The following TTC17 variants were observed in gnomAD, a reference collection of about 807,000 sequenced individuals.
TTC17 encodes the protein tetratricopeptide repeat domain 17.
Under a neutral mutation model 143.8 loss-of-function variants are expected in TTC17, and 58 were observed. The ratio of observed to expected loss-of-function variants is 0.40; its 90% CI spans 0.33 to 0.50. The LOEUF is 0.50. TTC17 is among the 20% of genes least tolerant of loss of function. The probability of loss-of-function intolerance (pLI) is 0.49; values close to 1 mark genes in which losing one functional copy is unlikely to be tolerated. For synonymous variants in TTC17, 501 were observed against 497.8 expected (o/e 1.01, Z -0.09); for missense variants, 1,273 against 1,392.5 (o/e 0.91, Z 1.37).
intron 15 of TTC17, among the ~76,000 whole-genome samples, chr11:43,412,312 A>G (rs1382143868): frequency 6.6e-6 from 1 of 151,594 alleles, no homozygotes. Flanking sequence ...AATGAGATCC[A>G]CTCTCTACAA....
chr11:43,491,818 A>G (rs934621695), intron 22 of TTC17: 7 of 624,288 alleles, frequency 1.1e-5, no homozygotes, highest in South Asian at 9.6e-5. Context: ...GACTTCGCCA[A>G]TGAAAGAAGT....
At chr11:43,400,172 C>T (rs10501297) in intron 9 of TTC17, 124 bp downstream of exon 9, 122,219 of 1,081,672 alleles carry the variant, frequency 0.11, 7,857 homozygotes, top group Middle Eastern at 0.17. Flanking sequence ...CCCTACATCT[C>T]GAAAGCATGA....
At chr11:43,396,648 T>G in intron 5 of TTC17, 61 bp from the exon 6 acceptor site, 43 of 943,052 alleles carry the variant, frequency 4.6e-5, no homozygotes, top group Non-Finnish European at 6.0e-5. Flanking sequence ...GTGCTCCTTT[T>G]GAGTATTCTA....
chr11:43,410,571 A>C (rs1410955833), intron 15 of TTC17, among the ~76,000 whole-genome samples: 1 of 152,134 alleles, frequency 6.6e-6, no homozygotes, highest in Admixed American at 6.6e-5. Flanking sequence ...ATTTACACGG[A>C]TATCCAGTTC....
intron 1 of TTC17, chr11:43,370,103 C>A: frequency 2.2e-6 from 1 of 455,096 alleles, no homozygotes; most frequent in Non-Finnish European, 4.4e-6. Flanking sequence ...CCATGCGTAT[C>A]TCTCTCAAGA....
chr11:43,403,845 A>G (rs1310601030), intron 10 of TTC17, among the ~76,000 whole-genome samples, 153 bp from the exon 11 acceptor site: 4 of 136,708 alleles, frequency 2.9e-5, no homozygotes, highest in African/African-American at 7.6e-5. Context: ...GTTGGGGCAT[A>G]GTTCTTAAAA....
chr11:43,367,819 C>T (rs375032112), intron 1 of TTC17, among the ~76,000 whole-genome samples: 17 of 152,014 alleles, frequency 1.1e-4, no homozygotes, highest in African/African-American at 3.4e-4. Flanking sequence ...CTTTTTTAAG[C>T]CCCCTCCAAT....
At chr11:43,394,562 A>C (rs1221235014) in intron 5 of TTC17, among the ~76,000 whole-genome samples, 1 of 152,180 alleles carries the variant, frequency 6.6e-6, no homozygotes, top group East Asian at 1.9e-4. Flanking sequence ...GATTGAAGGC[A>C]AAAGAGGAAT....
chr11:43,443,600 T>C lies in TTC17; in HGVS notation c.2511+16T>C. 6.3e-7 allele frequency: 1 copy of C among 1,595,422 alleles called. No individual in the cohort carries two copies. On this transcript the variant is annotated intron_variant, in intron 17 of 23. Transcript: ENST00000039989. ...AACAGAATGGGTAAGTTTGCCAACT[T>C]AATTCTCACAAAATTGTAGCCCATG...
chr11:43,460,162 T>C (rs904300562), intron 21 of TTC17, among the ~76,000 whole-genome samples: 2 of 152,146 alleles, frequency 1.3e-5, no homozygotes, highest in African/African-American at 4.8e-5. Context: ...CGAGAAAGTT[T>C]TATTTTGTAA....
At chr11:43,465,645 T>A (rs1175472756) in intron 21 of TTC17, among the ~76,000 whole-genome samples, 1 of 152,172 alleles carries the variant, frequency 6.6e-6, no homozygotes, top group Non-Finnish European at 1.5e-5. Flanking sequence ...ATGTATATAA[T>A]CAAATAATTT....
chr11:43,359,925 G>A (rs953441302), intron 1 of TTC17, among the ~76,000 whole-genome samples: 1 of 152,200 alleles, frequency 6.6e-6, no homozygotes, highest in African/African-American at 2.4e-5. Flanking sequence ...TTTTGTAAAT[G>A]CTGCTGATGC....
chr11:43,450,356 C>G (rs559704332), intron 20 of TTC17, 115 bp downstream of exon 20: 3 of 1,250,906 alleles, frequency 2.4e-6, no homozygotes, highest in Non-Finnish European at 3.2e-6. Flanking sequence ...GGGCTTTTTT[C>G]AGTTAGGCAT....
intron 21 of TTC17, among the ~76,000 whole-genome samples, chr11:43,482,440 A>G (rs1313121305): frequency 6.6e-6 from 1 of 151,708 alleles, no homozygotes; most frequent in Non-Finnish European, 1.5e-5. Flanking sequence ...TTTTTGACCC[A>G]TGAGTTATTT....
rs756163953 is a variant in TTC17, at chr11:43,493,822, A to T, written c.3344A>T (p.Gln1115Leu). ...LVWYESTLKL[Q>L]PEFVPAKNRI... Reference sequence around the variant, plus strand: ...TGGTATGAATCCACATTGAAGCTTCAGCCCGAGTTTGTCCCAGCCAAGAAC... The same window carrying T: ...TGGTATGAATCCACATTGAAGCTTCTGCCCGAGTTTGTCCCAGCCAAGAAC... Residue 1115 changes from glutamine to leucine, a missense_variant, in exon 24 of 24, where the codon CAG becomes CTG. This residue lies in a region of TTC17 where 878 missense variants were observed against 899.8 expected (regional missense o/e 0.98). Transcript: ENST00000039989. 3 of 1,614,156 alleles carry T rather than the reference A, an allele frequency of 1.9e-6. No individual in the cohort carries two copies. The highest frequency in any genetic ancestry group is 2.5e-6 in the Non-Finnish European group (3 of 1,179,998).
intron 2 of TTC17, among the ~76,000 whole-genome samples, chr11:43,386,763 T>A (rs1857184439): frequency 6.6e-6 from 1 of 151,674 alleles, no homozygotes; most frequent in Admixed American, 6.7e-5. Flanking sequence ...TAGATTAATT[T>A]CTTACGTATG....
intron 1 of TTC17, among the ~76,000 whole-genome samples, chr11:43,364,966 C>T (rs1856272760): frequency 1.3e-5 from 2 of 151,976 alleles, no homozygotes; most frequent in South Asian, 2.1e-4. Context: ...CCACCACGCC[C>T]GGCTAATTTT....
intron 16 of TTC17, among the ~76,000 whole-genome samples, chr11:43,426,452 T>G (rs572902958): frequency 6.6e-6 from 1 of 152,282 alleles, no homozygotes; most frequent in African/African-American, 2.4e-5. Flanking sequence ...TAAGTAGATA[T>G]GTTCAAATTA....
intron 1 of TTC17, among the ~76,000 whole-genome samples, chr11:43,360,369 A>G (rs1264849682): frequency 6.6e-6 from 1 of 152,200 alleles, no homozygotes; most frequent in Non-Finnish European, 1.5e-5. Context: ...GACTTTAAAT[A>G]TATGTGTATG....
Sources: gnomAD v4.1 joint callset for allele counts (sites outside exome capture counted in the v4.1 genomes callset) on GRCh38, gnomAD v4.1.1 for gene constraint, gnomAD v4.1.1 regional missense constraint, MANE v1.5 for transcripts, NCBI Gene and HGNC (gene_info 2026-07-23, HGNC 2026-07-21) for gene names.